FAM135B: variants seen among roughly 807,000 people sequenced by gnomAD.
FAM135B encodes the protein family with sequence similarity 135 member B, also known as protein FAM135B.
FAM135B carries 43 observed loss-of-function variants against 127.7 expected under a neutral mutation model. The ratio of observed to expected loss-of-function variants is 0.34; its 90% CI spans 0.26 to 0.43. The LOEUF is 0.43. FAM135B is among the 20% of genes least tolerant of loss of function. FAM135B has a pLI of 1.00. For synonymous variants in FAM135B, 670 were observed against 665.1 expected (o/e 1.01, Z -0.11); for missense variants, 1,558 against 1,725.6 (o/e 0.90, Z 1.72).
chr8:138,494,417 G>C (rs1009775864), intron 1 of FAM135B, among the ~76,000 whole-genome samples: 3 of 152,212 alleles, frequency 2.0e-5, no homozygotes, highest in Non-Finnish European at 2.9e-5. Flanking sequence ...ACAGGTATGT[G>C]TGCAAGCGAT....
chr8:138,420,042 C>G (rs933296974), intron 1 of FAM135B, among the ~76,000 whole-genome samples: 17 of 151,944 alleles, frequency 1.1e-4, no homozygotes, highest in African/African-American at 1.7e-4. Flanking sequence ...AAAAGATCAA[C>G]AAAACCAAAA....
intron 1 of FAM135B, among the ~76,000 whole-genome samples, chr8:138,458,887 G>C (rs1445702763): frequency 6.6e-6 from 1 of 152,134 alleles, no homozygotes; most frequent in African/African-American, 2.4e-5. Context: ...GCAGCACATG[G>C]CTAATTTAAG....
intron 3 of FAM135B, among the ~76,000 whole-genome samples, chr8:138,279,798 T>C (rs772358460): frequency 2.0e-5 from 3 of 152,190 alleles, no homozygotes; most frequent in Non-Finnish European, 4.4e-5. Flanking sequence ...CCTCTATTGT[T>C]CTGTAAGCTA....
chr8:138,168,193 C>A, intron 11 of FAM135B, 144 bp from the exon 12 acceptor site: 4 of 932,908 alleles, frequency 4.3e-6, no homozygotes, highest in Middle Eastern at 3.5e-4. Flanking sequence ...TTCCACCCAC[C>A]TACTTAGCCC....
chr8:138,420,140 T>C (rs985294414), intron 1 of FAM135B, among the ~76,000 whole-genome samples: 8 of 151,842 alleles, frequency 5.3e-5, no homozygotes, highest in African/African-American at 1.9e-4. Context: ...TAATCATAAT[T>C]AGAAATGGCA....
In FAM135B at chr8:138,243,942, G is replaced by A. The variant is rs1009500787; in HGVS notation, c.543-874C>T. 6.6e-6 allele frequency among the ~76,000 whole-genome samples: 1 copy of A among 152,016 alleles called. No homozygotes were observed. The highest frequency in any genetic ancestry group is 1.5e-5 in the Non-Finnish European group (1 of 68,010). On this transcript the variant is annotated intron_variant, in intron 6 of 19. Coordinates refer to ENST00000395297, the MANE Select transcript of FAM135B (RefSeq NM_015912.4). The surrounding 1 kb of genome is among the most constrained non-coding windows in gnomAD (Gnocchi z 7.5). ...CTCAGTAAAATTTAAAGTCTCTGAT[G>A]GCAAAGAGGGTCTTGACAATAAATA...
At position 138,242,927 on chromosome 8, in the gene FAM135B, C is replaced by G. The variant is rs771494561; in HGVS notation, c.669+15G>C. 3 of 1,605,508 alleles carry G rather than the reference C, an allele frequency of 1.9e-6. No individual in the cohort carries two copies. The highest frequency in any genetic ancestry group is 2.5e-6 in the Non-Finnish European group (3 of 1,177,258). ...GTTTGAAAGTTTTGAAGCAACTGCC[C>G]CACACAGGCCTTACCTCTGAGGAAG... On this transcript the variant is annotated intron_variant, in intron 7 of 19. Coordinates refer to ENST00000395297, the MANE Select transcript of FAM135B (RefSeq NM_015912.4). This position sits in a 1 kb window ranked among gnomAD's most constrained non-coding sequence, Gnocchi z 9.6.
At chr8:138,403,573 T>C (rs1279485723) in intron 1 of FAM135B, among the ~76,000 whole-genome samples, 1 of 152,210 alleles carries the variant, frequency 6.6e-6, no homozygotes, top group African/African-American at 2.4e-5. Flanking sequence ...CATAAATGTT[T>C]ATCTCTGCTC....
Position 138,148,502 on chromosome 8 carries a change from A to G in FAM135B, c.3448+18T>C, listed in dbSNP as rs1817844864. On this transcript the variant is annotated intron_variant, in intron 14 of 19. Transcript: ENST00000395297. ...ATATATGACAGAATTTGGGAAGAAA[A>G]CTTGTTTTAGAACTCACCATCCAGG... The G allele has an allele frequency of 6.2e-7, 1 of 1,607,384 alleles. No homozygotes were observed. The highest frequency in any genetic ancestry group is 1.1e-5 in the South Asian group (1 of 89,288).
intron 7 of FAM135B, among the ~76,000 whole-genome samples, chr8:138,219,942 G>T (rs963204089): frequency 1.3e-5 from 2 of 152,022 alleles, no homozygotes; most frequent in Non-Finnish European, 2.9e-5. Context: ...ATTATCTCAT[G>T]GATTTTAATA....
chr8:138,448,320 G>GT (rs1415304372), intron 1 of FAM135B, among the ~76,000 whole-genome samples: 1 of 152,088 alleles, frequency 6.6e-6, no homozygotes, highest in East Asian at 1.9e-4. Context: ...CCTCCCTAAT[G>GT]TAAGTGGGTC....
At position 138,280,410 on chromosome 8, in the gene FAM135B, G is replaced by A. The variant is rs370231090; in HGVS notation, c.158-14568C>T. Among the ~76,000 whole-genome samples the A allele has an allele frequency of 6.6e-5, 10 of 151,816 alleles. No homozygotes were observed. The East Asian group carries it at 1.9e-3, about 29-fold the overall frequency. ...ACCTTCCAGTCAACATTATGGTGCAGAGGCAACCACCAAGTTTGCTGTTTA... is the reference window on the plus strand; with the variant it reads ...ACCTTCCAGTCAACATTATGGTGCAAAGGCAACCACCAAGTTTGCTGTTTA... On this transcript the variant is annotated intron_variant, in intron 3 of 19. Coordinates refer to ENST00000395297, the MANE Select transcript of FAM135B (RefSeq NM_015912.4).
rs1818339864 is a variant in FAM135B, at chr8:138,153,119, G to T, written c.1356C>A (p.Ser452Arg). 6 of 1,613,738 alleles carry T rather than the reference G, an allele frequency of 3.7e-6. No individual in the cohort carries two copies. The highest frequency in any genetic ancestry group is 1.7e-6 in the Non-Finnish European group (2 of 1,179,810). The change falls in exon 13 of 20, where the codon AGC becomes AGA. Residue 452 changes from serine to arginine, a missense_variant. By Grantham distance (110) the Ser-to-Arg change is moderately radical. This residue lies in a region of FAM135B where 923 missense variants were observed against 865.3 expected (regional missense o/e 1.07). Transcript: ENST00000395297. ...KDKEDNCMVN[S>R]NLSFREDLVL... ...CAAGGTCTTCCCTAAAAGATAAATT[G>T]CTATTTACCATACAGTTATCTTCCT...
chr8:138,143,519 C>G (rs1041728727), intron 15 of FAM135B, among the ~76,000 whole-genome samples: 2 of 152,144 alleles, frequency 1.3e-5, no homozygotes, highest in Non-Finnish European at 2.9e-5. Flanking sequence ...AAAGGCCCTG[C>G]CCTTTCTGTG....
At chr8:138,388,407 C>G (rs1192459345) in intron 1 of FAM135B, among the ~76,000 whole-genome samples, 1 of 152,176 alleles carries the variant, frequency 6.6e-6, no homozygotes, top group Non-Finnish European at 1.5e-5. Context: ...CTACCCAAAG[C>G]AGTTGAAAAC....
Position 138,141,462 on chromosome 8 carries a change from G to A in FAM135B, c.3639-113C>T, listed in dbSNP as rs1817141046. ...TTCTCCACCTCCCACTGAATGTAGG[G>A]GAACTGGCAAAGAGAACAGGGACTG... On this transcript the variant is annotated intron_variant, in intron 16 of 19. Coordinates refer to ENST00000395297, the MANE Select transcript of FAM135B (RefSeq NM_015912.4). The surrounding 1 kb of genome is among the most constrained non-coding windows in gnomAD (Gnocchi z 4.7). 9.1e-7 allele frequency: 1 copy of A among 1,096,644 alleles called. No homozygotes were observed. The highest frequency in any genetic ancestry group is 1.4e-6 in the Non-Finnish European group (1 of 739,470). 67.9% of individuals were successfully genotyped at this position (1,096,644 alleles called of 1,614,324 possible). A position where few individuals can be genotyped will look rare whatever the true frequency, so the allele number is the denominator to read the frequency against.
intron 1 of FAM135B, among the ~76,000 whole-genome samples, chr8:138,419,149 A>C (rs765716387): frequency 2.0e-5 from 3 of 152,156 alleles, no homozygotes; most frequent in Non-Finnish European, 4.4e-5. Context: ...CAAAGTGAAG[A>C]AATGGAGAAA....
chr8:138,395,960 G>A (rs1479374572), intron 1 of FAM135B, among the ~76,000 whole-genome samples: 1 of 152,214 alleles, frequency 6.6e-6, no homozygotes, highest in African/African-American at 2.4e-5. Flanking sequence ...TTACTCGGCT[G>A]CTATCTTACA....
At chr8:138,331,793 C>A (rs573069706) in intron 2 of FAM135B, among the ~76,000 whole-genome samples, 25 of 152,282 alleles carry the variant, frequency 1.6e-4, no homozygotes, top group African/African-American at 5.3e-4. Context: ...AATCCAAATA[C>A]ATTTATCTAG....
Sources: allele counts gnomAD v4.1 joint callset (sites outside exome capture counted in the v4.1 genomes callset), GRCh38; gene constraint gnomAD v4.1.1; regional missense constraint gnomAD v4.1.1; non-coding constraint Gnocchi (gnomAD v3.1); transcripts MANE v1.5; gene names NCBI Gene and HGNC (gene_info 2026-07-23, HGNC 2026-07-21).